ABL1: variants seen among roughly 807,000 people sequenced by gnomAD.
The protein encoded by ABL1 is ABL proto-oncogene 1, non-receptor tyrosine kinase.
In ABL1, 11 loss-of-function variants were observed where a neutral mutation model predicts 94.7. The ratio of observed to expected loss-of-function variants is 0.12; its 90% CI spans 0.07 to 0.19. The LOEUF is 0.19. ABL1 is among the 10% of genes least tolerant of loss of function. The pLI, the probability that ABL1 is intolerant of heterozygous loss-of-function variation, is 1.00. For synonymous variants in ABL1, 656 were observed against 622.4 expected (o/e 1.05, Z -0.80); for missense variants, 1,082 against 1,489.4 (o/e 0.73, Z 4.50).
Position 130,853,170 on chromosome 9 carries a change from C to CTTTT in ABL1, c.80-874_80-871dup, listed in dbSNP as rs11418318. On this transcript the variant is annotated intron_variant, in intron 1 of 10. Coordinates refer to ENST00000318560, the MANE Select transcript of ABL1 (RefSeq NM_005157.6). ...AGCCCTTCTGTACGATTTGACTTTTCTTTTTTTTTTTTTTTTTTTTTTTGA... is the reference window on the plus strand; with the variant it reads ...AGCCCTTCTGTACGATTTGACTTTTCTTTTTTTTTTTTTTTTTTTTTTTTTTTGA... Among the ~76,000 whole-genome samples, 250 of 75,324 alleles carry CTTTT rather than the reference C, an allele frequency of 3.3e-3. 13 individuals are homozygous for CTTTT. The highest frequency in any genetic ancestry group is 6.5e-3 in the African/African-American group (120 of 18,444). The allele number at this position is 75,324 out of a possible 152,430, so 49.4% of individuals were successfully genotyped here. A position where few individuals can be genotyped will look rare whatever the true frequency, so the allele number is the denominator to read the frequency against.
chr9:130,771,205 T>C (rs4990084), intron 1 of ABL1, among the ~76,000 whole-genome samples: 57,179 of 151,962 alleles, frequency 0.38, 11,000 homozygotes, highest in Middle Eastern at 0.5. Flanking sequence ...ATGGAGTTGA[T>C]AGGGGCAGCT....
chr9:130,854,034 C>CT, intron 1 of ABL1, 30 bp from the exon 2 acceptor site: 1 of 1,553,962 alleles, frequency 6.4e-7, no homozygotes, highest in Non-Finnish European at 8.7e-7. Flanking sequence ...CTTCCTTTTT[C>CT]TTTTTTCTGT....
chr9:130,863,053 G>A lies in ABL1; in HGVS notation c.822+18G>A, dbSNP rs1831101485. 2 of 1,575,566 alleles carry A rather than the reference G, an allele frequency of 1.3e-6. No individual in the cohort carries two copies. Among genetic ancestry groups the A allele is most frequent in the African/African-American group, 1.3e-5 (1 of 74,564 alleles). On this transcript the variant is annotated intron_variant, in intron 4 of 10. Transcript: ENST00000318560. This position sits in a 1 kb window ranked among gnomAD's most constrained non-coding sequence, Gnocchi z 4.3. ...CCTTGAAGGTAGGCTGGGACTGCCG[G>A]GGGTGCCCAGGGTACGTGGGGCAAG...
At chr9:130,730,247 G>C (rs1484528233) in intron 1 of ABL1, among the ~76,000 whole-genome samples, 2 of 151,570 alleles carry the variant, frequency 1.3e-5, no homozygotes, top group Non-Finnish European at 2.9e-5. Flanking sequence ...TCTCTGTGTT[G>C]ATCAGGCTGG....
intron 1 of ABL1, among the ~76,000 whole-genome samples, chr9:130,763,287 A>C (rs955846196): frequency 9.2e-5 from 14 of 151,764 alleles, no homozygotes; most frequent in Non-Finnish European, 1.9e-4. Flanking sequence ...TAAAGAATAG[A>C]GCATGTCACT....
chr9:130,815,511 C>A (rs1262150652), intron 1 of ABL1, among the ~76,000 whole-genome samples: 1 of 152,078 alleles, frequency 6.6e-6, no homozygotes, highest in Non-Finnish European at 1.5e-5. Flanking sequence ...TTTCAGGTAA[C>A]CGTAACTTCA....
intron 1 of ABL1, among the ~76,000 whole-genome samples, chr9:130,841,534 G>T (rs1032033668): frequency 4.6e-5 from 7 of 152,046 alleles, no homozygotes; most frequent in African/African-American, 1.7e-4. Flanking sequence ...TTTTCAGGCC[G>T]GGCGCGGTGG....
intron 1 of ABL1, among the ~76,000 whole-genome samples, chr9:130,769,328 T>G (rs1410082620): frequency 7.6e-6 from 1 of 132,384 alleles, no homozygotes; most frequent in Non-Finnish European, 1.6e-5. Flanking sequence ...ATGGCCCTAG[T>G]CTTTTTTTTT....
rs1831579163 is a variant in ABL1 at position 130,886,110 on chromosome 9, G to C, written c.*427G>C. On this transcript the variant is annotated 3_prime_UTR_variant, in exon 11 of 11. Coordinates refer to ENST00000318560, the MANE Select transcript of ABL1 (RefSeq NM_005157.6). ...TTCTTCCACTTCTCCAAGAATGGAA[G>C]CCTGAACTGAGGCCTTGTGTGTCAG... 3.8e-6 allele frequency: 1 copy of C among 260,558 alleles called. No homozygotes were observed. Among genetic ancestry groups the C allele is most frequent in the East Asian group, 5.6e-5 (1 of 17,742 alleles). 16.1% of individuals were successfully genotyped at this position (260,558 alleles called of 1,614,324 possible).
chr9:130,794,704 A>G (rs1829952264), intron 1 of ABL1, among the ~76,000 whole-genome samples: 1 of 152,182 alleles, frequency 6.6e-6, no homozygotes, highest in Non-Finnish European at 1.5e-5. Flanking sequence ...CCCTGACTTC[A>G]TAAAGGCCCA....
intron 1 of ABL1, among the ~76,000 whole-genome samples, chr9:130,809,200 G>A (rs1471405850): frequency 1.3e-5 from 2 of 152,114 alleles, no homozygotes; most frequent in Non-Finnish European, 2.9e-5. Flanking sequence ...ACTGATCAGT[G>A]CACCCATGTG....
intron 1 of ABL1, among the ~76,000 whole-genome samples, chr9:130,772,472 C>T (rs1034292338): frequency 2.6e-5 from 4 of 152,132 alleles, no homozygotes; most frequent in African/African-American, 7.2e-5. Flanking sequence ...ACTGGGTTGA[C>T]GTTAGTAATA....
At chr9:130,882,167 G>A (rs1192197293) in intron 10 of ABL1, among the ~76,000 whole-genome samples, 2 of 152,282 alleles carry the variant, frequency 1.3e-5, no homozygotes, top group East Asian at 3.9e-4. Context: ...AGGCCTCTGG[G>A]AACGCTGTGC....
chr9:130,835,670 TC>T lies in ABL1; in HGVS notation c.79+146del. 3.5e-6 allele frequency: 2 copies of T among 575,252 alleles called. No homozygotes were observed. The highest frequency in any genetic ancestry group is 6.2e-6 in the Non-Finnish European group (2 of 320,928). 35.6% of individuals were successfully genotyped at this position (575,252 alleles called of 1,614,324 possible). A position where few individuals can be genotyped will look rare whatever the true frequency, so the allele number is the denominator to read the frequency against. On this transcript the variant is annotated intron_variant, in intron 1 of 10. Transcript: ENST00000318560. This position sits in a 1 kb window ranked among gnomAD's most constrained non-coding sequence, Gnocchi z 4.6. Reference sequence around the variant, plus strand: ...TTTTTCTTTCTTCCCTCTTCTCTTCTCTTCTCTTCAGTTCTCTTATATTCTG... The same window carrying T: ...TTTTTCTTTCTTCCCTCTTCTCTTCTTTCTCTTCAGTTCTCTTATATTCTG...
intron 1 of ABL1, among the ~76,000 whole-genome samples, chr9:130,718,822 C>T (rs1328177688): frequency 6.6e-6 from 1 of 152,118 alleles, no homozygotes; most frequent in Non-Finnish European, 1.5e-5. Flanking sequence ...GCCAATGCTG[C>T]AGTGAGCCAT....
At chr9:130,808,564 T>C (rs1830162280) in intron 1 of ABL1, among the ~76,000 whole-genome samples, 1 of 152,122 alleles carries the variant, frequency 6.6e-6, no homozygotes, top group African/African-American at 2.4e-5. Flanking sequence ...AATTTCAAGA[T>C]GGGTGGGCAG....
At chr9:130,735,211 G>A (rs1304430816) in intron 1 of ABL1, among the ~76,000 whole-genome samples, 1 of 151,996 alleles carries the variant, frequency 6.6e-6, no homozygotes, top group African/African-American at 2.4e-5. Context: ...TGTATTTTTA[G>A]TAGCGATGGG....
At chr9:130,853,972 C>T in intron 1 of ABL1, 92 bp from the exon 2 acceptor site, 1 of 1,328,098 alleles carries the variant, frequency 7.5e-7, no homozygotes, top group Non-Finnish European at 1.0e-6. Flanking sequence ...ATGTTGGAAA[C>T]ACAAATATTT....
At chr9:130,797,409 C>T (rs1829994471) in intron 1 of ABL1, among the ~76,000 whole-genome samples, 1 of 152,170 alleles carries the variant, frequency 6.6e-6, no homozygotes, top group Admixed American at 6.5e-5. Flanking sequence ...AGTACTCGCT[C>T]TATTGCCCAG....
Sources: allele counts gnomAD v4.1 joint callset (sites outside exome capture counted in the v4.1 genomes callset), GRCh38; gene constraint gnomAD v4.1.1; non-coding constraint Gnocchi (gnomAD v3.1); transcripts MANE v1.5; gene names NCBI Gene and HGNC (gene_info 2026-07-23, HGNC 2026-07-21).